Variants in ZNF182 observed in about 807,000 individuals in gnomAD.
ZNF182 encodes zinc finger protein 21 (KOX 14).
A neutral mutation model predicts 28.1 loss-of-function variants in ZNF182; 10 were observed. The ratio of observed to expected loss-of-function variants is 0.36; its 90% confidence interval spans 0.22 to 0.60. ZNF182 has a LOEUF of 0.60. Among genes scored for constraint, ZNF182 ranks in the 20% least tolerant of loss-of-function variants. The probability of loss-of-function intolerance (pLI) is 0.75; values close to 1 mark genes in which losing one functional copy is unlikely to be tolerated. For missense variants in ZNF182, 352 were observed against 453.2 expected, an observed-to-expected ratio of 0.78 and a Z score of 2.03; for synonymous variants, 156 against 158.7, an observed-to-expected ratio of 0.98 and a Z score of 0.13.
chrX:48,002,777 G>A, intron 2 of ZNF182, 124 bp from the exon 3 acceptor site: 1 of 525,877 alleles, frequency 1.9e-6, no homozygotes, highest in Non-Finnish European at 3.2e-6. Flanking sequence ...GGAAGAGTCT[G>A]GGCAACCATG....
At chrX:47,987,212 C>A (rs1224543220) in intron 3 of ZNF182, among the ~76,000 whole-genome samples, 1 of 111,985 alleles carries the variant, frequency 8.9e-6, no homozygotes, top group African/African-American at 3.2e-5. Flanking sequence ...CCAGCCAAAT[C>A]AATTAATGTT....
Position 48,003,583 on chromosome X carries a change from C to T in ZNF182, c.-120G>A, listed in dbSNP as rs1261210689. 1.9e-4 allele frequency: 21 copies of T among 111,212 alleles called. No individual in the cohort carries two copies. The highest frequency in any genetic ancestry group is 6.9e-4 in the African/African-American group (21 of 30,581). The allele number at this position is 111,212 out of a possible 1,213,427, so 9.2% of individuals were successfully genotyped here. ...GGGTGCAGGTTCACTTCGGCCGGAGCATTCACACCAGGCCCCCACCTCGGG... is the reference window on the plus strand; with the variant it reads ...GGGTGCAGGTTCACTTCGGCCGGAGTATTCACACCAGGCCCCCACCTCGGG... On this transcript the variant is annotated 5_prime_UTR_variant, in exon 2 of 6. It removes an upstream start codon present in the reference 5' UTR. Coordinates refer to ENST00000376943, the MANE Select transcript of ZNF182 (RefSeq NM_001007088.2).
intron 5 of ZNF182, 143 bp downstream of exon 5, chrX:47,982,806 G>A: frequency 8.0e-6 from 4 of 497,684 alleles, no homozygotes; most frequent in Non-Finnish European, 1.3e-5. Flanking sequence ...TGTGTCTGAG[G>A]TGTTCATGTC....
In ZNF182 at chrX:47,983,107, T is replaced by C. The variant is rs1424945684; in HGVS notation, c.143-69A>G. ...CCTCTGAGACAGAAGAAGTTACATA[T>C]TGGGGGCAGCACAAGGAATCTATTG... On this transcript the variant is annotated intron_variant, in intron 4 of 5. Coordinates refer to ENST00000376943, the MANE Select transcript of ZNF182 (RefSeq NM_001007088.2). The C allele has an allele frequency of 2.5e-5, 28 of 1,126,291 alleles. No individual in the cohort carries two copies. In the Admixed American group the frequency reaches 5.6e-4, roughly 22 times the overall value. The allele number at this position is 1,126,291 out of a possible 1,213,427, so 92.8% of individuals were successfully genotyped here. A position where few individuals can be genotyped will look rare whatever the true frequency, so the allele number is the denominator to read the frequency against.
Position 47,977,725 on chromosome X carries a change from A to G in ZNF182, c.305T>C (p.Val102Ala). ...AATTGTTTTCTTGTCAGAAAATCCAACTTGCATCAGCAGACATTTATCTTG... is the reference window on the plus strand; with the variant it reads ...AATTGTTTTCTTGTCAGAAAATCCAGCTTGCATCAGCAGACATTTATCTTG... ...DDQDKCLLMQ[V>A]GFSDKKTIIT... Residue 102 changes from valine (V) to alanine (A), a missense_variant, in exon 6 of 6, where the codon GTT becomes GCT. Val to Ala is a moderately conservative substitution (Grantham distance 64). Transcript: ENST00000376943. 1.7e-6 allele frequency: 2 copies of G among 1,206,957 alleles called. No individual in the cohort carries two copies. Among genetic ancestry groups the G allele is most frequent in the Non-Finnish European group, 2.2e-6 (2 of 893,027 alleles).
chrX:47,993,441 C>A (rs2058948355), intron 3 of ZNF182, among the ~76,000 whole-genome samples: 1 of 112,043 alleles, frequency 8.9e-6, no homozygotes. Flanking sequence ...GTCAACCAGG[C>A]AGAAACACAG....
At chrX:47,989,428 A>AT (rs1274888807) in intron 3 of ZNF182, among the ~76,000 whole-genome samples, 1 of 107,956 alleles carries the variant, frequency 9.3e-6, no homozygotes, top group African/African-American at 3.4e-5. Context: ...CTTCGTCTCA[A>AT]AAAAAAAAAA....
chrX:47,984,073 C>T (rs1018961100), intron 3 of ZNF182, among the ~76,000 whole-genome samples: 21 of 110,860 alleles, frequency 1.9e-4, no homozygotes, highest in African/African-American at 6.6e-4. Flanking sequence ...AAAATAATCC[C>T]CTCAAATCAA....
intron 5 of ZNF182, among the ~76,000 whole-genome samples, chrX:47,981,054 G>A (rs376373743): frequency 3.6e-5 from 4 of 111,519 alleles, no homozygotes; most frequent in East Asian, 5.6e-4. Flanking sequence ...ACCTTTAAGC[G>A]CAAAATTTGA....
At chrX:47,989,348 A>C (rs892863435) in intron 3 of ZNF182, among the ~76,000 whole-genome samples, 5 of 109,444 alleles carry the variant, frequency 4.6e-5, no homozygotes, top group African/African-American at 1.7e-4. Context: ...AATCTCCTGA[A>C]TGTGGGAGGT....
intron 3 of ZNF182, among the ~76,000 whole-genome samples, chrX:47,987,594 T>C (rs2058927327): frequency 8.9e-6 from 1 of 112,542 alleles, no homozygotes. Flanking sequence ...AGAAGGGAGA[T>C]GCAAATATGC....
chrX:47,994,235 G>C (rs1184594040), intron 3 of ZNF182, among the ~76,000 whole-genome samples: 1 of 112,226 alleles, frequency 8.9e-6, no homozygotes, highest in Non-Finnish European at 1.9e-5. Flanking sequence ...ATGGAGGCTA[G>C]AAAAAAGTAG....
At position 47,976,797 on chromosome X, in the gene ZNF182, A is replaced by G; in HGVS notation, c.1233T>C (p.Tyr411=). 3 of 1,211,436 alleles carry G rather than the reference A, an allele frequency of 2.5e-6. No homozygotes were observed. The highest frequency in any genetic ancestry group is 3.4e-6 in the Non-Finnish European group (3 of 895,408). The part of the protein sequence containing the change: ...HQRTHTGEKP[Y]ECDVCGKTFT... ...AGGTTTTTCCACACACATCACATTC[A>G]TAGGGTTTCTCTCCTGTATGAGTTC... Residue 411 remains tyrosine, a synonymous_variant, in exon 6 of 6, where the codon TAT becomes TAC. Transcript: ENST00000376943.
chrX:47,981,262 C>T (rs1371447182), intron 5 of ZNF182, among the ~76,000 whole-genome samples: 1 of 111,656 alleles, frequency 9.0e-6, no homozygotes, highest in Non-Finnish European at 1.9e-5. Context: ...AGGAAATATA[C>T]AAAAGGAGCC....
At chrX:47,979,230 G>A (rs1019973711) in intron 5 of ZNF182, among the ~76,000 whole-genome samples, 6 of 112,066 alleles carry the variant, frequency 5.4e-5, no homozygotes, top group African/African-American at 1.9e-4. Context: ...CATGGATTGT[G>A]CAGCTGTGGT....
chrX:47,987,781 G>A (rs2058927996), intron 3 of ZNF182, among the ~76,000 whole-genome samples: 1 of 112,058 alleles, frequency 8.9e-6, no homozygotes, highest in Non-Finnish European at 1.9e-5. Context: ...CAGCAGCAAT[G>A]AGCACAGCTA....
At chrX:47,985,668 C>T (rs1335323357) in intron 3 of ZNF182, among the ~76,000 whole-genome samples, 5 of 110,938 alleles carry the variant, frequency 4.5e-5, no homozygotes, top group Admixed American at 1.9e-4. Flanking sequence ...GAGTGTATAC[C>T]GAGAACCCTT....
At chrX:47,986,557 G>A (rs1245229062) in intron 3 of ZNF182, among the ~76,000 whole-genome samples, 1 of 111,987 alleles carries the variant, frequency 8.9e-6, no homozygotes, top group Admixed American at 9.5e-5. Flanking sequence ...GATTTCAGGA[G>A]ATGTGTACAG....
intron 3 of ZNF182, among the ~76,000 whole-genome samples, chrX:47,997,332 A>C (rs1361350925): frequency 9.2e-6 from 1 of 108,625 alleles, no homozygotes; most frequent in East Asian, 2.9e-4. Flanking sequence ...AAAAAAAAAA[A>C]CACAACATAC....
Sources: allele counts gnomAD v4.1 joint callset (sites outside exome capture counted in the v4.1 genomes callset), GRCh38; gene constraint gnomAD v4.1.1; transcripts MANE v1.5; gene names NCBI Gene and HGNC (gene_info 2026-07-23, HGNC 2026-07-21).